IGSF10: variants seen among roughly 807,000 people sequenced by gnomAD.
IGSF10 encodes calvaria mechanical force protein 608.
Under a neutral mutation model 128.2 loss-of-function variants are expected in IGSF10, and 126 were observed. The observed-to-expected ratio is 0.98, with a 90% CI of 0.85 to 1.14. The LOEUF (loss-of-function observed/expected upper bound fraction) is 1.14, where lower values mean the gene tolerates loss of function less well. Among genes scored for constraint, IGSF10 ranks in the 50% most tolerant of loss-of-function variants. The pLI is 0.00. For synonymous variants in IGSF10, 1,185 were observed against 1,146.2 expected, an observed-to-expected ratio of 1.03 and a Z score of -0.68; for missense variants, 3,295 against 3,149.8, an observed-to-expected ratio of 1.05 and a Z score of -1.10.
At chr3:151,450,215 T>A (rs911796300) in intron 5 of IGSF10, among the ~76,000 whole-genome samples, 4 of 152,214 alleles carry the variant, frequency 2.6e-5, no homozygotes, top group African/African-American at 2.4e-5. Flanking sequence ...TGAGCCTATT[T>A]AAAATGGCTG....
the IGSF10 span, among the ~76,000 whole-genome samples, chr3:151,515,950 C>T: frequency 1.2e-4 from 18 of 151,854 alleles, no homozygotes; most frequent in Non-Finnish European, 2.4e-4. Flanking sequence ...CTTTCCCATG[C>T]AACAAGGCAA....
In IGSF10 at chr3:151,448,740, A is replaced by G. The variant is rs758272333; in HGVS notation, c.1241T>C (p.Ile414Thr). 18 of 1,613,670 alleles carry G rather than the reference A, an allele frequency of 1.1e-5. No individual in the cohort carries two copies. The South Asian group carries it at 1.6e-4, about 15-fold the overall frequency. The change falls in exon 6 of 8, where the codon ATT becomes ACT. Residue 414 changes from isoleucine to threonine, a missense_variant. By Grantham distance (89) the Ile-to-Thr change is moderately conservative. Coordinates refer to ENST00000282466, the MANE Select transcript of IGSF10 (RefSeq NM_178822.5). ...GAGATCTGCCTCTATGTTGGTAAAA[A>G]TGTCTTCAGGCTTAGGAGCCACCTG... ...YKQVAPKPEDIFTNIEADLRA... is the reference protein window; with the variant it reads ...YKQVAPKPEDTFTNIEADLRA...
the IGSF10 span, among the ~76,000 whole-genome samples, chr3:151,469,589 G>T: frequency 6.6e-6 from 1 of 152,100 alleles, no homozygotes. Context: ...AGAAACTCAG[G>T]CCTGTAATAC....
the IGSF10 span, among the ~76,000 whole-genome samples, chr3:151,491,549 A>C: frequency 6.6e-6 from 1 of 152,140 alleles, no homozygotes; most frequent in Non-Finnish European, 1.5e-5. Context: ...CTGCACTCCA[A>C]CCTGGGTGAC....
chr3:151,523,604 G>A, the IGSF10 span, among the ~76,000 whole-genome samples: 4 of 152,234 alleles, frequency 2.6e-5, no homozygotes, highest in African/African-American at 7.2e-5. Context: ...TGGGATAACT[G>A]GCCAGCCATA....
Position 151,448,994 on chromosome 3 carries a change from G to GTTA in IGSF10, c.984_986dup (p.Asn329dup). Reference sequence around the variant, plus strand: ...AGGGCTTTTGAATACTGCAGACCATGTTAGCTTCATTTCCAGACTGATCTG... The same window carrying GTTA: ...AGGGCTTTTGAATACTGCAGACCATGTTATTAGCTTCATTTCCAGACTGATCTG... On this transcript the variant is annotated inframe_insertion, in exon 6 of 8. Transcript: ENST00000282466. The GTTA allele has an allele frequency of 6.2e-7, 1 of 1,614,200 alleles. No individual in the cohort carries two copies. Among genetic ancestry groups the GTTA allele is most frequent in the Non-Finnish European group, 8.5e-7 (1 of 1,180,020 alleles).
the IGSF10 span, among the ~76,000 whole-genome samples, chr3:151,564,410 TTTCCTTCC>T: frequency 6.6e-6 from 1 of 152,092 alleles, no homozygotes; most frequent in Non-Finnish European, 1.5e-5. Context: ...TAAGAATTTA[TTTCCTTCC>T]TTCCTTCCTT....
the IGSF10 span, among the ~76,000 whole-genome samples, chr3:151,590,966 TAGGAA>T: frequency 6.6e-6 from 1 of 151,784 alleles, no homozygotes; most frequent in African/African-American, 2.4e-5. Context: ...GAAAAGACAT[TAGGAA>T]AGTTGATCTG....
the IGSF10 span, among the ~76,000 whole-genome samples, chr3:151,510,840 G>T: frequency 6.6e-6 from 1 of 152,138 alleles, no homozygotes; most frequent in Non-Finnish European, 1.5e-5. Context: ...TAACCGATGC[G>T]ATCAACTGGA....
At chr3:151,464,445 T>C (rs557203414), upstream of IGSF10, among the ~76,000 whole-genome samples, 2 of 152,308 alleles carry the variant, frequency 1.3e-5, no homozygotes, top group South Asian at 4.2e-4. Flanking sequence ...AATTACTACT[T>C]CTTACTCCTC....
chr3:151,575,863 C>A, the IGSF10 span, among the ~76,000 whole-genome samples: 3 of 152,142 alleles, frequency 2.0e-5, no homozygotes, highest in African/African-American at 7.2e-5. Flanking sequence ...TTGGAACAGA[C>A]CCCTATTTTT....
the IGSF10 span, among the ~76,000 whole-genome samples, chr3:151,498,346 C>G: frequency 6.6e-6 from 1 of 152,118 alleles, no homozygotes; most frequent in Non-Finnish European, 1.5e-5. Flanking sequence ...TACATTCCAT[C>G]AATACCTAAT....
At chr3:151,494,903 A>T in the IGSF10 span, among the ~76,000 whole-genome samples, 1 of 152,028 alleles carries the variant, frequency 6.6e-6, no homozygotes, top group Admixed American at 6.6e-5. Context: ...AATATTCCAA[A>T]TATTTTTCAG....
Position 151,437,151 on chromosome 3 carries a change from A to G in IGSF10, c.7410T>C (p.Ser2470=), listed in dbSNP as rs770701951. ...PKPNIKWTMP[S]GYVVDRPQIN... Reference sequence around the variant, plus strand: ...TTTGAGGCCTGTCTACTACATAACCACTTGGCATAGTCCATTTGATATTTG... The same window carrying G: ...TTTGAGGCCTGTCTACTACATAACCGCTTGGCATAGTCCATTTGATATTTG... Residue 2470 remains serine (S), a synonymous_variant, in exon 8 of 8, where the codon AGT becomes AGC. Coordinates refer to ENST00000282466, the MANE Select transcript of IGSF10 (RefSeq NM_178822.5). 15 of 1,614,046 alleles carry G rather than the reference A, an allele frequency of 9.3e-6. No individual in the cohort carries two copies. In the Admixed American group the frequency reaches 2.2e-4, roughly 23 times the overall value.
rs1720592752 is a variant in IGSF10 at position 151,438,516 on chromosome 3, C to A, written c.6045G>T (p.Leu2015Phe). Reference sequence around the variant, plus strand: ...CCCCCATTTTGTTTCTTGCCACACACAAGTAGACACCACTGTCTTTTTCTG... The same window carrying A: ...CCCCCATTTTGTTTCTTGCCACACAAAAGTAGACACCACTGTCTTTTTCTG... ...SVTEKDSGVYLCVARNKMGDD... is the reference protein window; with the variant it reads ...SVTEKDSGVYFCVARNKMGDD... The change falls in exon 8 of 8, where the codon TTG (leucine) becomes TTT (phenylalanine). Residue 2015 changes from leucine to phenylalanine, a missense_variant. Physicochemically the swap from Leu to Phe is conservative, Grantham distance 22. Coordinates refer to ENST00000282466, the MANE Select transcript of IGSF10 (RefSeq NM_178822.5). The A allele has an allele frequency of 6.2e-7, 1 of 1,613,954 alleles. No homozygotes were observed. Among genetic ancestry groups the A allele is most frequent in the Non-Finnish European group, 8.5e-7 (1 of 1,180,040 alleles).
chr3:151,480,197 A>G, the IGSF10 span, among the ~76,000 whole-genome samples: 1 of 152,224 alleles, frequency 6.6e-6, no homozygotes, highest in East Asian at 1.9e-4. Flanking sequence ...ACCAAAATAA[A>G]GAAGAGTACC....
upstream of IGSF10, among the ~76,000 whole-genome samples, chr3:151,463,383 ATGAG>A (rs1327037108): frequency 2.6e-5 from 4 of 152,134 alleles, no homozygotes; most frequent in South Asian, 8.3e-4. Context: ...AAATATTCTG[ATGAG>A]TAAGTGCTAA....
chr3:151,556,815 A>G, the IGSF10 span, among the ~76,000 whole-genome samples: 1 of 152,080 alleles, frequency 6.6e-6, no homozygotes, highest in African/African-American at 2.4e-5. Flanking sequence ...CATAGAAGTC[A>G]TGTTTTATTG....
At chr3:151,464,879 GT>G (rs1275069319), upstream of IGSF10, among the ~76,000 whole-genome samples, 2 of 152,176 alleles carry the variant, frequency 1.3e-5, no homozygotes, top group African/African-American at 4.8e-5. Context: ...TTCCAATACA[GT>G]TGCAACTCAA....
Sources: allele counts gnomAD v4.1 joint callset (sites outside exome capture counted in the v4.1 genomes callset), GRCh38; gene constraint gnomAD v4.1.1; transcripts MANE v1.5; gene names NCBI Gene and HGNC (gene_info 2026-07-23, HGNC 2026-07-21).